The following TTC14 variants were observed in gnomAD, a reference collection of about 807,000 sequenced individuals.
TTC14 encodes tetratricopeptide repeat protein 14.
TTC14 carries 63 observed loss-of-function variants against 79.9 expected under a neutral mutation model. That is an observed-to-expected ratio of 0.79 (90% confidence interval 0.64 to 0.97). The LOEUF (loss-of-function observed/expected upper bound fraction) is 0.97. TTC14 is among the 50% of genes least tolerant of loss of function. TTC14 has a pLI of 0.00. For missense variants in TTC14, 895 were observed against 894.0 expected, an observed-to-expected ratio of 1.00 and a Z score of -0.01; for synonymous variants, 335 against 309.6, an observed-to-expected ratio of 1.08 and a Z score of -0.86.
chr3:180,603,046 C>A (rs562820297), intron 2 of TTC14, 31 bp downstream of exon 2: 1 of 1,609,266 alleles, frequency 6.2e-7, no homozygotes, highest in African/African-American at 1.3e-5. Flanking sequence ...TTTAAGATTG[C>A]GGTTCGGTTT....
At chr3:180,614,216 T>G (rs111373252), downstream of TTC14, 17 of 163,760 alleles carry the variant, frequency 1.0e-4, no homozygotes, top group Non-Finnish European at 2.0e-4. Flanking sequence ...CAAGAAAATT[T>G]CAAAATTGTT....
In TTC14 at chr3:180,604,892, G is replaced by A. The variant is rs766881007; in HGVS notation, c.742G>A (p.Glu248Lys). 1 of 1,613,830 alleles carries A rather than the reference G, an allele frequency of 6.2e-7. No individual in the cohort carries two copies. The highest frequency in any genetic ancestry group is 8.5e-7 in the Non-Finnish European group (1 of 1,179,930). Reference protein sequence around the residue: ...ELNSNSLESYENVMQSSLGFV... With the variant: ...ELNSNSLESYKNVMQSSLGFV... ...AAATAGCAATTCTTTGGAGTCCTAT[G>A]AAAATGTCATGCAGAGTTCCTTGGG... Residue 248 changes from glutamate (E) to lysine (K), a missense_variant, in exon 6 of 12, where the codon GAA becomes AAA. Coordinates refer to ENST00000296015, the MANE Select transcript of TTC14 (RefSeq NM_133462.4).
chr3:180,606,383 C>T lies in TTC14; in HGVS notation c.1049+11C>T. The T allele has an allele frequency of 6.2e-7, 1 of 1,613,816 alleles. No individual in the cohort carries two copies. Among genetic ancestry groups the T allele is most frequent in the East Asian group, 2.2e-5 (1 of 44,862 alleles). On this transcript the variant is annotated intron_variant, in intron 8 of 11. Coordinates refer to ENST00000296015, the MANE Select transcript of TTC14 (RefSeq NM_133462.4). Reference sequence around the variant, plus strand: ...AGCTCGTGGAGCATTGTAAGTGAATCATACATGGATTTTAAGGAATGTTTA... The same window carrying T: ...AGCTCGTGGAGCATTGTAAGTGAATTATACATGGATTTTAAGGAATGTTTA...
At chr3:180,613,600 A>G (rs1312608922), downstream of TTC14, among the ~76,000 whole-genome samples, 2 of 152,212 alleles carry the variant, frequency 1.3e-5, no homozygotes, top group South Asian at 4.1e-4. Flanking sequence ...TGAGGAAAAC[A>G]GGGAAGTAAC....
At position 180,608,714 on chromosome 3, in the gene TTC14, T is replaced by G; in HGVS notation, c.1304T>G (p.Leu435Ter). ...LHKYMQKSLE[L>*]REKQAEKEEK... ...GGGTTCTAAAAGAAATCTTTGGAAT[T>G]AAGAGAAAAACAAGCTGAAAAGGAA... Residue 435 changes from leucine (L) to a stop codon, truncating the protein, a stop_gained, in exon 11 of 12, where the codon TTA becomes TGA. Transcript: ENST00000296015. LOFTEE classifies it high-confidence loss of function. 6.5e-7 allele frequency: 1 copy of G among 1,536,636 alleles called. No homozygotes were observed. The highest frequency in any genetic ancestry group is 8.7e-7 in the Non-Finnish European group (1 of 1,146,654).
downstream of TTC14, chr3:180,611,188 C>T (rs1716982452): frequency 1.0e-6 from 1 of 984,274 alleles, no homozygotes; most frequent in South Asian, 4.7e-5. Flanking sequence ...TGAATAGGAG[C>T]CCATTTTGCT....
intron 8 of TTC14, 36 bp downstream of exon 8, chr3:180,606,408 A>G: frequency 6.2e-7 from 1 of 1,613,672 alleles, no homozygotes; most frequent in South Asian, 1.1e-5. Flanking sequence ...AGGAATGTTT[A>G]CCAGGTAAAT....
intron 11 of TTC14, 77 bp downstream of exon 11, chr3:180,608,887 G>A: frequency 7.8e-7 from 1 of 1,282,234 alleles, no homozygotes; most frequent in South Asian, 2.7e-5. Flanking sequence ...TGGAGGTAAA[G>A]TAAATAAAAA....
chr3:180,616,866 GT>G lies in TTC14; in HGVS notation c.1775-511del. On this transcript the variant is annotated intron_variant, in intron 12 of 12. Transcript: ENST00000382584. The stretch of plus-strand genomic sequence containing the variant: ...TTCTAATTTTGGCTTCTGCTCCTCC[GT>G]TTCTTTACTTAGTTGAAATGAATAA... 1.9e-6 allele frequency: 3 copies of G among 1,605,470 alleles called. No individual in the cohort carries two copies. The South Asian group carries it at 3.3e-5, about 18-fold the overall frequency.
Position 180,602,653 on chromosome 3 carries a change from A to G in TTC14, c.161+231A>G, listed in dbSNP as rs985863222. On this transcript the variant is annotated intron_variant, in intron 1 of 11. Coordinates refer to ENST00000296015, the MANE Select transcript of TTC14 (RefSeq NM_133462.4). ...TGCTTGGTAGAGGCGCAGATTCCTT[A>G]GCTAAAAATCCCTTGAGCTTTCCTA... 1.4e-5 allele frequency: 10 copies of G among 707,000 alleles called. 1 individual carries two copies. In the African/African-American group the frequency reaches 1.4e-4, roughly 10 times the overall value. 43.8% of individuals were successfully genotyped at this position (707,000 alleles called of 1,614,324 possible).
exon 13 of TTC14, chr3:180,617,724 GTA>G (rs902306137): frequency 2.6e-6 from 1 of 380,978 alleles, no homozygotes; most frequent in African/African-American, 2.1e-5. Flanking sequence ...TCACAAAAGA[GTA>G]AAAAAATTTT....
rs1204121592 is a variant in TTC14, at chr3:180,606,545, C to T, written c.1114C>T (p.Pro372Ser). ...EDFELALENC[P>S]THRNARKYLC... ...TTTTGAGCTTGCATTAGAAAACTGT[C>T]CAACTCACAGAAATGCAAGAAAATA... Residue 372 changes from proline (P) to serine (S), a missense_variant, in exon 9 of 12, where the codon CCA becomes TCA. By Grantham distance (74) the Pro-to-Ser change is moderately conservative (BLOSUM62 -1). Transcript: ENST00000296015. 3.7e-6 allele frequency: 6 copies of T among 1,613,810 alleles called. No individual in the cohort carries two copies. Among genetic ancestry groups the T allele is most frequent in the Non-Finnish European group, 4.2e-6 (5 of 1,179,912 alleles).
chr3:180,609,433 A>G (rs1716865915), intron 11 of TTC14, 197 bp from the exon 12 acceptor site: 20 of 1,286,676 alleles, frequency 1.6e-5, no homozygotes, highest in Non-Finnish European at 2.0e-5. Flanking sequence ...GCTTACAATG[A>G]TACCTGTCTG....
intron 11 of TTC14, chr3:180,609,085 T>C: frequency 1.1e-6 from 1 of 893,178 alleles, no homozygotes; most frequent in Non-Finnish European, 1.4e-6. Flanking sequence ...ATTTTAGAAC[T>C]AGAGCAGTGG....
intron 12 of TTC14, chr3:180,616,209 G>A (rs1435622493): frequency 3.8e-6 from 5 of 1,303,300 alleles, no homozygotes; most frequent in Non-Finnish European, 5.5e-6. Flanking sequence ...CTGCGGTGAT[G>A]TAGAAGTGGC....
At chr3:180,607,593 A>G (rs1013834441) in intron 9 of TTC14, 55 bp from the exon 10 acceptor site, 1 of 1,562,750 alleles carries the variant, frequency 6.4e-7, no homozygotes, top group Non-Finnish European at 8.6e-7. Context: ...CTGTATGCAT[A>G]TTTGGATAGT....
At chr3:180,616,319 C>G (rs750055274) in intron 12 of TTC14, 1 of 1,613,338 alleles carries the variant, frequency 6.2e-7, no homozygotes, top group East Asian at 2.2e-5. Context: ...ATCTAGAGCT[C>G]TGACGACTGC....
downstream of TTC14, chr3:180,611,264 T>G (rs1029489291): frequency 2.7e-6 from 2 of 729,282 alleles, no homozygotes; most frequent in Non-Finnish European, 1.7e-6. Flanking sequence ...CTTTAAATAT[T>G]TACAAGGCCC....
At chr3:180,616,372 A>G in intron 12 of TTC14, 1 of 1,605,934 alleles carries the variant, frequency 6.2e-7, no homozygotes, top group Non-Finnish European at 8.5e-7. Flanking sequence ...CTCTGGAGGA[A>G]TATTCAATAG....
Sources: allele counts gnomAD v4.1 joint callset (sites outside exome capture counted in the v4.1 genomes callset), GRCh38; gene constraint gnomAD v4.1.1; transcripts MANE v1.5; gene names NCBI Gene and HGNC (gene_info 2026-07-23, HGNC 2026-07-21).